The following MAST4 variants were observed in gnomAD, a reference collection of about 807,000 sequenced individuals.
MAST4 encodes microtubule-associated serine/threonine-protein kinase 4.
Under a neutral mutation model 162.7 loss-of-function variants are expected in MAST4, and 89 were observed. The ratio of observed to expected loss-of-function variants is 0.55; its 90% CI spans 0.46 to 0.65. The LOEUF is 0.65. Ranked by LOEUF, MAST4 falls within the 30% of genes least tolerant of loss-of-function variation. The pLI is 0.00. For missense variants in MAST4, 3,153 were observed against 3,374.0 expected (o/e 0.93, Z 1.62); for synonymous variants, 1,479 against 1,361.1 (o/e 1.09, Z -1.91).
intron 1 of MAST4, among the ~76,000 whole-genome samples, chr5:66,613,768 C>A (rs533668131): frequency 2.6e-5 from 4 of 152,248 alleles, no homozygotes; most frequent in Non-Finnish European, 5.9e-5. Context: ...TTGGTGTTTG[C>A]AGGTGGAGAG....
chr5:66,851,206 A>G (rs183341446), intron 3 of MAST4, among the ~76,000 whole-genome samples: 3 of 152,174 alleles, frequency 2.0e-5, no homozygotes, highest in African/African-American at 7.2e-5. Context: ...ATGTCCAAAC[A>G]TTCTGTAATA....
At chr5:67,145,019 C>A in intron 22 of MAST4, 125 bp from the exon 23 acceptor site, 2 of 917,572 alleles carry the variant, frequency 2.2e-6, no homozygotes, top group Non-Finnish European at 3.3e-6. Flanking sequence ...CATTAAGAAC[C>A]ATTGCACTAG....
chr5:66,724,966 G>A (rs982903701), intron 1 of MAST4, among the ~76,000 whole-genome samples: 89 of 151,826 alleles, frequency 5.9e-4, no homozygotes, highest in African/African-American at 9.4e-4. Flanking sequence ...CTTTTTGCAT[G>A]TTCTTTTCTT....
chr5:66,700,309 T>C (rs183642738), intron 1 of MAST4, among the ~76,000 whole-genome samples: 1 of 152,376 alleles, frequency 6.6e-6, no homozygotes, highest in Admixed American at 6.5e-5. Flanking sequence ...TATCACTCCA[T>C]TGTAACCCCA....
At chr5:67,000,072 A>G (rs1751110949) in intron 4 of MAST4, among the ~76,000 whole-genome samples, 1 of 152,248 alleles carries the variant, frequency 6.6e-6, no homozygotes, top group Non-Finnish European at 1.5e-5. Context: ...CAGGACAGCC[A>G]GTTTGCTGTT....
chr5:66,919,874 C>A (rs994118391), intron 4 of MAST4, among the ~76,000 whole-genome samples: 1 of 151,532 alleles, frequency 6.6e-6, no homozygotes, highest in Non-Finnish European at 1.5e-5. Context: ...GGAACTCTTT[C>A]GCTCTCTTTC....
chr5:66,807,710 G>A (rs903625019), intron 3 of MAST4, among the ~76,000 whole-genome samples: 6 of 152,060 alleles, frequency 3.9e-5, no homozygotes, highest in Non-Finnish European at 5.9e-5. Flanking sequence ...CATGGGAACC[G>A]TAGGGCTAAA....
At chr5:67,034,942 G>A (rs1288046723) in intron 4 of MAST4, among the ~76,000 whole-genome samples, 1 of 152,118 alleles carries the variant, frequency 6.6e-6, no homozygotes, top group African/African-American at 2.4e-5. Flanking sequence ...CAAAAAGAAA[G>A]TTCCCCTATA....
chr5:66,968,256 G>C (rs1306466049), intron 4 of MAST4, among the ~76,000 whole-genome samples: 1 of 152,156 alleles, frequency 6.6e-6, no homozygotes, highest in African/African-American at 2.4e-5. Context: ...TGCATGTCTT[G>C]TGTTCCTTGT....
chr5:67,104,624 G>A, intron 10 of MAST4, 49 bp downstream of exon 10: 13 of 1,446,758 alleles, frequency 9.0e-6, no homozygotes, highest in South Asian at 2.7e-5. Context: ...GCTTTTCCCT[G>A]AAAAAAATTT....
At chr5:67,094,102 C>T in intron 6 of MAST4, 1 of 1,256,428 alleles carries the variant, frequency 8.0e-7, no homozygotes, top group Non-Finnish European at 1.1e-6. Context: ...ATACATCTTA[C>T]TTTGCTTCTT....
chr5:66,992,413 G>A (rs1314185080), intron 4 of MAST4, among the ~76,000 whole-genome samples: 1 of 152,066 alleles, frequency 6.6e-6, no homozygotes, highest in Non-Finnish European at 1.5e-5. Context: ...CCACTCCTTG[G>A]GAAGCCTGTC....
At position 67,100,774 on chromosome 5, in the gene MAST4, G is replaced by A. The variant is rs551093838; in HGVS notation, c.1070+182G>A. ...ATTACCATTGAAAGGCATCTTATAA[G>A]TTTCCTTTTCAGTTCTCACAATTTG... On this transcript the variant is annotated intron_variant, in intron 8 of 28. Transcript: ENST00000403625. Among the ~76,000 whole-genome samples, 8 of 152,228 alleles carry A rather than the reference G, an allele frequency of 5.3e-5. No homozygotes were observed. In the South Asian group the frequency reaches 1.2e-3, roughly 24 times the overall value.
At chr5:66,838,114 C>T (rs1397274613) in intron 3 of MAST4, among the ~76,000 whole-genome samples, 1 of 151,592 alleles carries the variant, frequency 6.6e-6, no homozygotes, top group East Asian at 1.9e-4. Context: ...TGTCCAGGTG[C>T]AGTTTTATGT....
rs373156631 is a variant in MAST4 at position 67,142,103 on chromosome 5, G to C, written c.2495-12G>C. 1 of 1,612,812 alleles carries C rather than the reference G, an allele frequency of 6.2e-7. No homozygotes were observed. Among genetic ancestry groups the C allele is most frequent in the Non-Finnish European group, 8.5e-7 (1 of 1,179,004 alleles). ...AACACTTTCCTCTCTGTCTCTACCTGCCCCCTTCCAGGTGGTGCATATGAA... is the reference window on the plus strand; with the variant it reads ...AACACTTTCCTCTCTGTCTCTACCTCCCCCCTTCCAGGTGGTGCATATGAA... On this transcript the variant is annotated splice_polypyrimidine_tract_variant and intron_variant, in intron 19 of 28. Transcript: ENST00000403625.
At chr5:67,151,941 G>A (rs146806446) in intron 24 of MAST4, among the ~76,000 whole-genome samples, 18 of 151,604 alleles carry the variant, frequency 1.2e-4, no homozygotes, top group African/African-American at 3.1e-4. Context: ...CTAATTTTTT[G>A]TATTATTTGT....
rs192046447 is a variant in MAST4 at position 66,977,046 on chromosome 5, G to C, written c.674+77064G>C. Among the ~76,000 whole-genome samples the C allele has an allele frequency of 1.3e-3, 198 of 152,284 alleles. No homozygotes were observed. The Middle Eastern group carries it at 0.017, about 13-fold the overall frequency. The stretch of plus-strand genomic sequence containing the variant: ...TCTGTGGCATTGGGGTGTAGGGTCA[G>C]CATCAGGGCTGATATAGAAAGTCTC... On this transcript the variant is annotated intron_variant, in intron 4 of 28. Coordinates refer to ENST00000403625, the MANE Select transcript of MAST4 (RefSeq NM_001164664.2).
intron 6 of MAST4, among the ~76,000 whole-genome samples, chr5:67,095,186 A>T (rs1366648098): frequency 6.6e-6 from 1 of 152,180 alleles, no homozygotes; most frequent in Non-Finnish European, 1.5e-5. Context: ...GAAAGTCCCC[A>T]CAGGCCCTTG....
intron 3 of MAST4, among the ~76,000 whole-genome samples, chr5:66,833,738 A>C (rs958207134): frequency 2.0e-5 from 3 of 152,196 alleles, no homozygotes; most frequent in African/African-American, 7.2e-5. Context: ...TGAACTTGCT[A>C]ATAGTCATGA....
Sources: gnomAD v4.1 joint callset for allele counts (sites outside exome capture counted in the v4.1 genomes callset) on GRCh38, gnomAD v4.1.1 for gene constraint, MANE v1.5 for transcripts, NCBI Gene and HGNC (gene_info 2026-07-23, HGNC 2026-07-21) for gene names.